Variants in MGME1 observed in about 807,000 individuals in gnomAD.
The protein encoded by MGME1 is mitochondrial genome maintenance exonuclease 1.
In MGME1, 22 loss-of-function variants were observed where a neutral mutation model predicts 33.0. The ratio of observed to expected loss-of-function variants is 0.67; its 90% confidence interval spans 0.48 to 0.95. The LOEUF (loss-of-function observed/expected upper bound fraction) is 0.95, where lower values mean the gene tolerates loss of function less well. Among genes scored for constraint, MGME1 ranks in the 40% least tolerant of loss-of-function variants. The pLI is 0.00. For missense variants in MGME1, 383 were observed against 397.8 expected (o/e 0.96, Z 0.32); for synonymous variants, 133 against 144.0 (o/e 0.92, Z 0.55).
At chr20:17,983,267 T>TTTG (rs79417227) in intron 3 of MGME1, among the ~76,000 whole-genome samples, 25 of 142,684 alleles carry the variant, frequency 1.8e-4, no homozygotes, top group East Asian at 1.2e-3. Flanking sequence ...TAGTGTTCTA[T>TTTG]TGTGTGTGTG....
At chr20:17,972,679 T>C (rs2035759874) in intron 2 of MGME1, 1 of 985,320 alleles carries the variant, frequency 1.0e-6, no homozygotes, top group Admixed American at 6.1e-5. Flanking sequence ...GTTCTGAGCC[T>C]TAGTGTCTAA....
At chr20:17,972,336 C>G (rs2035752083) in intron 2 of MGME1, among the ~76,000 whole-genome samples, 1 of 152,042 alleles carries the variant, frequency 6.6e-6, no homozygotes, top group Admixed American at 6.5e-5. Flanking sequence ...TCCCAAGCAT[C>G]AGTTCATCTT....
chr20:17,990,410 T>TGGGCGGGGGGGGG lies in MGME1; in HGVS notation c.*304_*305insCGGGGGGGGGGGG. 2.2e-5 allele frequency: 1 copy of TGGGCGGGGGGGGG among 44,516 alleles called. No individual in the cohort carries two copies. The highest frequency in any genetic ancestry group is 1.4e-4 in the African/African-American group (1 of 7,192). 2.8% of individuals were successfully genotyped at this position (44,516 alleles called of 1,614,324 possible). On this transcript the variant is annotated 3_prime_UTR_variant, in exon 5 of 5. Transcript: ENST00000377710. The stretch of plus-strand genomic sequence containing the variant: ...ACTCTTGTACTCCCTTGAGGGACAT[T>TGGGCGGGGGGGGG]GGGGGGGGGGGGGCGTGGTCCCAGG...
At chr20:17,986,534 AT>A (rs1229189893) in intron 3 of MGME1, among the ~76,000 whole-genome samples, 1 of 150,668 alleles carries the variant, frequency 6.6e-6, no homozygotes, top group Non-Finnish European at 1.5e-5. Context: ...ATTTTTTGGT[AT>A]TTTTTATAGA....
At chr20:17,982,745 T>G (rs2036054909) in intron 3 of MGME1, among the ~76,000 whole-genome samples, 1 of 152,244 alleles carries the variant, frequency 6.6e-6, no homozygotes, top group Admixed American at 6.5e-5. Context: ...ACTTTTAATT[T>G]GGGTTTACGC....
In MGME1 at chr20:17,989,923, C is replaced by G; in HGVS notation, c.865-16C>G. The G allele has an allele frequency of 6.2e-6, 10 of 1,610,396 alleles. No homozygotes were observed. Among genetic ancestry groups the G allele is most frequent in the Non-Finnish European group, 7.6e-6 (9 of 1,178,246 alleles). ...CTACTGTAGTGAAACGAGAATTGCC[C>G]TGTGTTTCTTCCTAGGTTCAATGTG... On this transcript the variant is annotated splice_polypyrimidine_tract_variant and intron_variant, in intron 4 of 4. Transcript: ENST00000377710.
chr20:17,990,420 G>GGGC lies in MGME1; in HGVS notation c.*313_*314insCGG. ...TCCCTTGAGGGACATTGGGGGGGGGGGGGCGTGGTCCCAGGCAGGATGCCC... is the reference window on the plus strand; with the variant it reads ...TCCCTTGAGGGACATTGGGGGGGGGGGGCGGGCGTGGTCCCAGGCAGGATGCCC... On this transcript the variant is annotated 3_prime_UTR_variant, in exon 5 of 5. Coordinates refer to ENST00000377710, the MANE Select transcript of MGME1 (RefSeq NM_052865.4). The GGGC allele has an allele frequency of 3.1e-6, 1 of 323,968 alleles. No individual in the cohort carries two copies. Among genetic ancestry groups the GGGC allele is most frequent in the Non-Finnish European group, 5.8e-6 (1 of 173,350 alleles). 20.1% of individuals were successfully genotyped at this position (323,968 alleles called of 1,614,324 possible).
chr20:17,984,479 T>A (rs2036106896), intron 3 of MGME1, among the ~76,000 whole-genome samples: 1 of 152,102 alleles, frequency 6.6e-6, no homozygotes, highest in African/African-American at 2.4e-5. Flanking sequence ...TAAACTAACC[T>A]CCTATTCAGT....
intron 2 of MGME1, among the ~76,000 whole-genome samples, chr20:17,973,040 CTAA>C (rs1256256340): frequency 6.6e-6 from 1 of 151,918 alleles, no homozygotes; most frequent in Non-Finnish European, 1.5e-5. Context: ...CCATTTTTTG[CTAA>C]TGATAGAATT....
intron 3 of MGME1, among the ~76,000 whole-genome samples, chr20:17,976,128 C>CTTTG (rs563290443): frequency 6.6e-6 from 1 of 152,106 alleles, no homozygotes; most frequent in South Asian, 2.1e-4. Context: ...AAGGTATATT[C>CTTTG]TTTGTTTGTT....
chr20:17,978,064 T>C (rs1742179102), intron 3 of MGME1, among the ~76,000 whole-genome samples: 1 of 152,226 alleles, frequency 6.6e-6, no homozygotes, highest in African/African-American at 2.4e-5. Context: ...TGAGATTTTT[T>C]TTTGGTTATT....
intron 3 of MGME1, 98 bp downstream of exon 3, chr20:17,976,001 C>T: frequency 1.0e-6 from 1 of 986,990 alleles, no homozygotes; most frequent in Non-Finnish European, 1.6e-6. Flanking sequence ...TGTTTAATGT[C>T]CAGACCTTTG....
At chr20:17,977,642 C>T (rs2035902772) in intron 3 of MGME1, among the ~76,000 whole-genome samples, 1 of 152,102 alleles carries the variant, frequency 6.6e-6, no homozygotes, top group South Asian at 2.1e-4. Context: ...TTATATTTTG[C>T]AAGAATCGAT....
rs149834010 is a variant in MGME1, at chr20:17,970,240, G to C, written c.381G>C (p.Arg127Ser). ...PSVPLKIPLQ[R>S]NVIPSVTRVL... ...TTCCTTTGAAAATCCCCTTGCAAAG[G>C]AATGTGATACCAAGTGTGACCCGAG... Residue 127 changes from arginine (R) to serine (S), a missense_variant, in exon 2 of 5, where the codon AGG becomes AGC. Transcript: ENST00000377710. 1.2e-6 allele frequency: 2 copies of C among 1,614,112 alleles called. No homozygotes were observed. The highest frequency in any genetic ancestry group is 1.3e-5 in the African/African-American group (1 of 74,918).
At chr20:17,980,170 C>T (rs1398157073) in intron 3 of MGME1, among the ~76,000 whole-genome samples, 8 of 151,940 alleles carry the variant, frequency 5.3e-5, no homozygotes, top group African/African-American at 1.5e-4. Flanking sequence ...GGATTACAGG[C>T]GCCTGCTACC....
At chr20:17,968,697 T>C, upstream of MGME1, 1 of 538,488 alleles carries the variant, frequency 1.9e-6, no homozygotes, top group Non-Finnish European at 3.4e-6. Context: ...ACGTGGGGCC[T>C]ACCCTTGCTC....
chr20:17,974,042 T>G (rs1374629812), intron 2 of MGME1, among the ~76,000 whole-genome samples: 1 of 151,444 alleles, frequency 6.6e-6, no homozygotes, highest in East Asian at 1.9e-4. Flanking sequence ...TTTCTTGTGT[T>G]TGTTGAGTCT....
intron 3 of MGME1, among the ~76,000 whole-genome samples, chr20:17,985,700 T>C (rs1394954233): frequency 1.3e-5 from 2 of 152,208 alleles, no homozygotes; most frequent in African/African-American, 4.8e-5. Flanking sequence ...ACATTTTTAC[T>C]GTACCTTTTC....
rs981150349 is a variant in MGME1 at position 17,973,962 on chromosome 20, C to T, written c.512-1722C>T. Among the ~76,000 whole-genome samples, 6 of 151,792 alleles carry T rather than the reference C, an allele frequency of 4.0e-5. 1 individual carries two copies. The highest frequency in any genetic ancestry group is 3.2e-3 in the Middle Eastern group (1 of 312). ...TGAAAATTAAATAATGTTTTGAAAG[C>T]TCCAAGGCCATTGCTTAGCATAACA... On this transcript the variant is annotated intron_variant, in intron 2 of 4. Coordinates refer to ENST00000377710, the MANE Select transcript of MGME1 (RefSeq NM_052865.4).
Sources: allele counts gnomAD v4.1 joint callset (sites outside exome capture counted in the v4.1 genomes callset), GRCh38; gene constraint gnomAD v4.1.1; transcripts MANE v1.5; gene names NCBI Gene and HGNC (gene_info 2026-07-23, HGNC 2026-07-21).